Variants in OR8U1 observed in about 807,000 individuals in gnomAD.
The protein encoded by OR8U1 is olfactory receptor 8U1.
For missense variants in OR8U1, 371 were observed against 362.5 expected (o/e 1.02, Z -0.19); for synonymous variants, 123 against 128.9 (o/e 0.95, Z 0.31).
At position 56,376,380 on chromosome 11, in the gene OR8U1, G is replaced by T; in HGVS notation, c.757G>T (p.Gly253Trp). Residue 253 changes from glycine to tryptophan, a missense_variant, in exon 1 of 1, where the codon GGG becomes TGG. Transcript: ENST00000302270. ...SHMLAVTIFY[G>W]TLIFMYLQPS... ...CATGCTGGCAGTCACCATATTCTAT[G>T]GGACCCTCATTTTTATGTACTTACA... is the stretch of plus-strand genomic sequence containing the variant. 12 of 1,614,254 alleles carry T rather than the reference G, an allele frequency of 7.4e-6. No homozygotes were observed. The highest frequency in any genetic ancestry group is 1.0e-5 in the Non-Finnish European group (12 of 1,180,042).
In OR8U1 at chr11:56,375,760, T is replaced by C. The variant is rs367879521; in HGVS notation, c.137T>C (p.Ile46Thr). The change falls in exon 1 of 1, where the codon ATC becomes ACC. Residue 46 changes from isoleucine (I) to threonine (T), a missense_variant. By Grantham distance (89) the Ile-to-Thr change is moderately conservative (BLOSUM62 -1). Transcript: ENST00000302270. ...ACAGTGGTAGGCAACTTGGGTTTGA[T>C]CCTACTCATTAGAGCGGATACAAGT... The part of the protein sequence containing the change: ...LFTVVGNLGL[I>T]LLIRADTSLN... 1 of 1,614,190 alleles carries C rather than the reference T, an allele frequency of 6.2e-7. No individual in the cohort carries two copies. Among genetic ancestry groups the C allele is most frequent in the Non-Finnish European group, 8.5e-7 (1 of 1,180,000 alleles).
chr11:56,376,127 T>C lies in OR8U1; in HGVS notation c.504T>C (p.Tyr168=). Residue 168 remains tyrosine (Y), a synonymous_variant, in exon 1 of 1, where the codon TAT becomes TAC. Transcript: ENST00000302270. ...FHTILTFRLS[Y]CHSNIVNHFY... is the part of the protein sequence containing the mutation. ...CCATCCTCACCTTCCGCCTCTCCTATTGCCACTCCAACATTGTCAACCATT... is the reference window on the plus strand; with the variant it reads ...CCATCCTCACCTTCCGCCTCTCCTACTGCCACTCCAACATTGTCAACCATT... The C allele has an allele frequency of 1.2e-6, 2 of 1,614,216 alleles. No homozygotes were observed. Among genetic ancestry groups the C allele is most frequent in the Non-Finnish European group, 1.7e-6 (2 of 1,180,000 alleles).
At position 56,376,239 on chromosome 11, in the gene OR8U1, ATGTT is replaced by A. The variant is rs760647141; in HGVS notation, c.617_620del (p.Met206ThrfsTer6). Reference sequence around the variant, plus strand: ...CTGGATCTTTGCCTGTGCTGGTATCATGTTCATTTCCTCCCTTCTGATTGTCTTT... The same window carrying A: ...CTGGATCTTTGCCTGTGCTGGTATCACATTTCCTCCCTTCTGATTGTCTTT... On this transcript the variant is annotated frameshift_variant, in exon 1 of 1. Coordinates refer to ENST00000302270, the MANE Select transcript of OR8U1 (RefSeq NM_001005204.1). LOFTEE classifies it high-confidence loss of function. 2 of 1,614,142 alleles carry A rather than the reference ATGTT, an allele frequency of 1.2e-6. No homozygotes were observed. Among genetic ancestry groups the A allele is most frequent in the Admixed American group, 1.7e-5 (1 of 60,014 alleles).
Position 56,375,681 on chromosome 11 carries a change from C to A in OR8U1, c.58C>A (p.His20Asn). The change falls in exon 1 of 1, where the codon CAT becomes AAT. Residue 20 changes from histidine (H) to asparagine (N), a missense_variant. By Grantham distance (68) the His-to-Asn change is moderately conservative. Transcript: ENST00000302270. The part of the protein sequence containing the change: ...TEFILVGLTD[H>N]QELKMPLFVL... ...GTTTATTCTTGTGGGCCTCACAGAC[C>A]ATCAGGAGTTGAAGATGCCCCTCTT... 6.2e-7 allele frequency: 1 copy of A among 1,613,662 alleles called. No individual in the cohort carries two copies. Among genetic ancestry groups the A allele is most frequent in the Non-Finnish European group, 8.5e-7 (1 of 1,179,724 alleles).
chr11:56,376,351 C>G lies in OR8U1; in HGVS notation c.728C>G (p.Ser243Cys), dbSNP rs184570113. ...CAGAAGGCTTTCTCGACGTGTGGCT[C>G]TCACATGCTGGCAGTCACCATATTC... ...GRQKAFSTCG[S>C]HMLAVTIFYG... The change falls in exon 1 of 1, where the codon TCT becomes TGT. Residue 243 changes from serine (S) to cysteine (C), a missense_variant. Transcript: ENST00000302270. 17 of 1,614,268 alleles carry G rather than the reference C, an allele frequency of 1.1e-5. No individual in the cohort carries two copies. The African/African-American group carries it at 2.0e-4, about 19-fold the overall frequency.
In OR8U1 at chr11:56,376,249, C is replaced by T. The variant is rs77042014; in HGVS notation, c.626C>T (p.Ser209Phe). The change falls in exon 1 of 1, where the codon TCC (serine) becomes TTC (phenylalanine). Residue 209 changes from serine to phenylalanine, a missense_variant. By Grantham distance (155) the Ser-to-Phe change is radical (BLOSUM62 -2). Transcript: ENST00000302270. ...IFACAGIMFISSLLIVFVSYM... is the reference protein window; with the variant it reads ...IFACAGIMFIFSLLIVFVSYM... ...GCCTGTGCTGGTATCATGTTCATTT[C>T]CTCCCTTCTGATTGTCTTTGTCTCC... 6.3e-7 allele frequency: 1 copy of T among 1,589,296 alleles called. No homozygotes were observed. Among genetic ancestry groups the T allele is most frequent in the Non-Finnish European group, 8.6e-7 (1 of 1,161,828 alleles).
In OR8U1 at chr11:56,376,543, A is replaced by G; in HGVS notation, c.920A>G (p.Asn307Ser). ...GAAGCTCTGAAGAAAATCATTATCAATAAAAACTAGAGTTTTGTGTTTATA... is the reference window on the plus strand; with the variant it reads ...GAAGCTCTGAAGAAAATCATTATCAGTAAAAACTAGAGTTTTGTGTTTATA... ...VKEALKKIII[N>S]KN Residue 307 changes from asparagine to serine, a missense_variant, in exon 1 of 1, where the codon AAT (asparagine) becomes AGT (serine). Coordinates refer to ENST00000302270, the MANE Select transcript of OR8U1 (RefSeq NM_001005204.1). 1 of 1,568,332 alleles carries G rather than the reference A, an allele frequency of 6.4e-7. No homozygotes were observed. The highest frequency in any genetic ancestry group is 8.6e-7 in the Non-Finnish European group (1 of 1,163,886).
rs769946004 is a variant in OR8U1 at position 56,376,108 on chromosome 11, T to C, written c.485T>C (p.Leu162Pro). The C allele has an allele frequency of 6.2e-7, 1 of 1,614,266 alleles. No individual in the cohort carries two copies. The highest frequency in any genetic ancestry group is 1.1e-5 in the South Asian group (1 of 91,088). The change falls in exon 1 of 1, where the codon CTC becomes CCC. Residue 162 changes from leucine to proline, a missense_variant. Leu to Pro is a moderately conservative substitution (Grantham distance 98, BLOSUM62 -3). Coordinates refer to ENST00000302270, the MANE Select transcript of OR8U1 (RefSeq NM_001005204.1). ...CTAATGGCACTATTTCACACCATCC[T>C]CACCTTCCGCCTCTCCTATTGCCAC... ...SFLMALFHTI[L>P]TFRLSYCHSN...
Position 56,376,148 on chromosome 11 carries a change from C to G in OR8U1, c.525C>G (p.Asn175Lys). Residue 175 changes from asparagine (N) to lysine (K), a missense_variant, in exon 1 of 1, where the codon AAC becomes AAG. Coordinates refer to ENST00000302270, the MANE Select transcript of OR8U1 (RefSeq NM_001005204.1). The part of the protein sequence containing the change: ...RLSYCHSNIV[N>K]HFYCDDMPLL... The stretch of plus-strand genomic sequence containing the variant: ...CCTATTGCCACTCCAACATTGTCAA[C>G]CATTTCTATTGTGATGACATGCCTC... The G allele has an allele frequency of 6.2e-7, 1 of 1,614,234 alleles. No homozygotes were observed. Among genetic ancestry groups the G allele is most frequent in the Non-Finnish European group, 8.5e-7 (1 of 1,180,014 alleles).
rs1174835321 is a variant in OR8U1 at position 56,375,822 on chromosome 11, G to C, written c.199G>C (p.Ala67Pro). 14 of 1,614,156 alleles carry C rather than the reference G, an allele frequency of 8.7e-6. No homozygotes were observed. Among genetic ancestry groups the C allele is most frequent in the Non-Finnish European group, 1.2e-5 (14 of 1,179,994 alleles). ...TPMYFFLSNLAFVDFCYSSVI... is the reference protein window; with the variant it reads ...TPMYFFLSNLPFVDFCYSSVI... ...AATGTACTTCTTTCTTAGCAACCTAGCTTTTGTGGATTTCTGTTACTCTTC... is the reference window on the plus strand; with the variant it reads ...AATGTACTTCTTTCTTAGCAACCTACCTTTTGTGGATTTCTGTTACTCTTC... Residue 67 changes from alanine to proline, a missense_variant, in exon 1 of 1, where the codon GCT (alanine) becomes CCT (proline). Transcript: ENST00000302270.
At position 56,376,402 on chromosome 11, in the gene OR8U1, T is replaced by TAA. The variant is rs1483334832; in HGVS notation, c.780_781insAA (p.Gln261AsnfsTer21). 6.2e-7 allele frequency: 1 copy of TAA among 1,614,172 alleles called. No individual in the cohort carries two copies. The highest frequency in any genetic ancestry group is 8.5e-7 in the Non-Finnish European group (1 of 1,180,058). On this transcript the variant is annotated frameshift_variant, in exon 1 of 1. Transcript: ENST00000302270. LOFTEE classifies it high-confidence loss of function. ...TATGGGACCCTCATTTTTATGTACTTACAGCCTAGCTCTAGCCATGCCCTG... is the reference window on the plus strand; with the variant it reads ...TATGGGACCCTCATTTTTATGTACTTAAACAGCCTAGCTCTAGCCATGCCCTG...
rs1208125598 is a variant in OR8U1, at chr11:56,376,159, G to A, written c.536G>A (p.Cys179Tyr). Reference protein sequence around the residue: ...CHSNIVNHFYCDDMPLLRLTC... With the variant: ...CHSNIVNHFYYDDMPLLRLTC... ...TCCAACATTGTCAACCATTTCTATT[G>A]TGATGACATGCCTCTCCTCAGGCTA... The change falls in exon 1 of 1, where the codon TGT (cysteine) becomes TAT (tyrosine). Residue 179 changes from cysteine to tyrosine, a missense_variant. Coordinates refer to ENST00000302270, the MANE Select transcript of OR8U1 (RefSeq NM_001005204.1). 6.2e-7 allele frequency: 1 copy of A among 1,614,132 alleles called. No individual in the cohort carries two copies. The highest frequency in any genetic ancestry group is 2.2e-5 in the East Asian group (1 of 44,904).
rs775772625 is a variant in OR8U1, at chr11:56,376,502, G to T, written c.879G>T (p.Gln293His). ...TGAATCCCTTAATCTATAGCCTCCAGAATAAGGAGGTGAAAGAAGCTCTGA... is the reference window on the plus strand; with the variant it reads ...TGAATCCCTTAATCTATAGCCTCCATAATAAGGAGGTGAAAGAAGCTCTGA... Reference protein sequence around the residue: ...PMLNPLIYSLQNKEVKEALKK... With the variant: ...PMLNPLIYSLHNKEVKEALKK... The change falls in exon 1 of 1, where the codon CAG becomes CAT. Residue 293 changes from glutamine to histidine, a missense_variant. Coordinates refer to ENST00000302270, the MANE Select transcript of OR8U1 (RefSeq NM_001005204.1). The T allele has an allele frequency of 6.2e-7, 1 of 1,605,704 alleles. No homozygotes were observed.
At position 56,375,713 on chromosome 11, in the gene OR8U1, A is replaced by G. The variant is rs2134936859; in HGVS notation, c.90A>G (p.Leu30=). 6.2e-7 allele frequency: 1 copy of G among 1,614,046 alleles called. No homozygotes were observed. The highest frequency in any genetic ancestry group is 8.5e-7 in the Non-Finnish European group (1 of 1,179,896). ...AGTTGAAGATGCCCCTCTTTGTGCT[A>G]TTCTTATCCATCTACCTCTTCACAG... ...HQELKMPLFV[L]FLSIYLFTVV... Residue 30 remains leucine (L), a synonymous_variant, in exon 1 of 1, where the codon CTA becomes CTG. Transcript: ENST00000302270.
chr11:56,375,882 T>C lies in OR8U1; in HGVS notation c.259T>C (p.Tyr87His), dbSNP rs755292431. 3.1e-5 allele frequency: 50 copies of C among 1,614,056 alleles called. No homozygotes were observed. Among genetic ancestry groups the C allele is most frequent in the Non-Finnish European group, 3.9e-5 (46 of 1,180,008 alleles). ...ITPKMLGNFL[Y>H]KQNVISFDAC... ...ACCCAAAATGCTTGGGAATTTCTTG[T>C]ACAAACAAAATGTTATATCCTTTGA... The change falls in exon 1 of 1, where the codon TAC becomes CAC. Residue 87 changes from tyrosine (Y) to histidine (H), a missense_variant. Tyr to His is a moderately conservative substitution (Grantham distance 83, BLOSUM62 2). Transcript: ENST00000302270.
chr11:56,376,346 T>C lies in OR8U1; in HGVS notation c.723T>C (p.Cys241=), dbSNP rs781335892. ...AEGRQKAFST[C]GSHMLAVTIF... is the part of the protein sequence containing the mutation. ...GAAGACAGAAGGCTTTCTCGACGTG[T>C]GGCTCTCACATGCTGGCAGTCACCA... Residue 241 remains cysteine (C), a synonymous_variant, in exon 1 of 1, where the codon TGT becomes TGC. Coordinates refer to ENST00000302270, the MANE Select transcript of OR8U1 (RefSeq NM_001005204.1). 1.9e-6 allele frequency: 3 copies of C among 1,614,160 alleles called. No homozygotes were observed. The African/African-American group carries it at 4.0e-5, about 22-fold the overall frequency.
At position 56,375,672 on chromosome 11, in the gene OR8U1, C is replaced by T. The variant is rs776276847; in HGVS notation, c.49C>T (p.Leu17Phe). 1.2e-6 allele frequency: 2 copies of T among 1,613,272 alleles called. No individual in the cohort carries two copies. The highest frequency in any genetic ancestry group is 1.7e-5 in the Admixed American group (1 of 59,914). ...TQATEFILVGLTDHQELKMPL... is the reference protein window; with the variant it reads ...TQATEFILVGFTDHQELKMPL... ...GGCGACAGAGTTTATTCTTGTGGGC[C>T]TCACAGACCATCAGGAGTTGAAGAT... The change falls in exon 1 of 1, where the codon CTC (leucine) becomes TTC (phenylalanine). Residue 17 changes from leucine (L) to phenylalanine (F), a missense_variant. Physicochemically the swap from Leu to Phe is conservative, Grantham distance 22. Transcript: ENST00000302270.
chr11:56,376,375 T>C lies in OR8U1; in HGVS notation c.752T>C (p.Phe251Ser), dbSNP rs1436176126. Residue 251 changes from phenylalanine (F) to serine (S), a missense_variant, in exon 1 of 1, where the codon TTC (phenylalanine) becomes TCC (serine). Phe to Ser is a radical substitution (Grantham distance 155). Coordinates refer to ENST00000302270, the MANE Select transcript of OR8U1 (RefSeq NM_001005204.1). The part of the protein sequence containing the change: ...CGSHMLAVTI[F>S]YGTLIFMYLQ... The stretch of plus-strand genomic sequence containing the variant: ...TCTCACATGCTGGCAGTCACCATAT[T>C]CTATGGGACCCTCATTTTTATGTAC... 1 of 1,614,162 alleles carries C rather than the reference T, an allele frequency of 6.2e-7. No homozygotes were observed. Among genetic ancestry groups the C allele is most frequent in the Non-Finnish European group, 8.5e-7 (1 of 1,180,058 alleles).
Position 56,375,806 on chromosome 11 carries a change from C to G in OR8U1, c.183C>G (p.Phe61Leu), listed in dbSNP as rs748069339. The G allele has an allele frequency of 3.7e-6, 6 of 1,614,070 alleles. No individual in the cohort carries two copies. The highest frequency in any genetic ancestry group is 5.1e-6 in the Non-Finnish European group (6 of 1,180,014). Residue 61 changes from phenylalanine (F) to leucine (L), a missense_variant, in exon 1 of 1, where the codon TTC (phenylalanine) becomes TTG (leucine). Physicochemically the swap from Phe to Leu is conservative, Grantham distance 22. Transcript: ENST00000302270. Reference protein sequence around the residue: ...ADTSLNTPMYFFLSNLAFVDF... With the variant: ...ADTSLNTPMYLFLSNLAFVDF... ...CAAGTCTCAACACACCAATGTACTT[C>G]TTTCTTAGCAACCTAGCTTTTGTGG...
Sources: gnomAD v4.1 joint callset for allele counts on GRCh38, gnomAD v4.1.1 for gene constraint, MANE v1.5 for transcripts, NCBI Gene and HGNC (gene_info 2026-07-23, HGNC 2026-07-21) for gene names.